The following PCDH9 variants were observed in gnomAD, a reference collection of about 807,000 sequenced individuals.
PCDH9 encodes the protein protocadherin-9.
PCDH9 carries 24 observed loss-of-function variants against 70.6 expected under a neutral mutation model. The observed-to-expected ratio is 0.34, with a 90% confidence interval of 0.25 to 0.48. The LOEUF is 0.48. PCDH9 is among the 20% of genes least tolerant of loss of function. PCDH9 has a pLI of 0.99. For missense variants in PCDH9, 1,281 were observed against 1,503.6 expected (o/e 0.85, Z 2.45); for synonymous variants, 562 against 558.5 (o/e 1.01, Z -0.09).
intron 4 of PCDH9, among the ~76,000 whole-genome samples, chr13:66,501,076 C>G (rs1365407509): frequency 6.6e-6 from 1 of 151,970 alleles, no homozygotes; most frequent in African/African-American, 2.4e-5. Context: ...AAATAATCAC[C>G]AAGAACTTCT....
intron 2 of PCDH9, among the ~76,000 whole-genome samples, chr13:66,918,094 G>T (rs549336980): frequency 1.3e-5 from 2 of 151,382 alleles, no homozygotes; most frequent in African/African-American, 4.8e-5. Context: ...GTTGGTGATT[G>T]AGATGGAAAT....
intron 3 of PCDH9, among the ~76,000 whole-genome samples, chr13:66,783,843 C>G (rs943150500): frequency 1.3e-5 from 2 of 152,030 alleles, no homozygotes; most frequent in Non-Finnish European, 2.9e-5. Flanking sequence ...TATTAAAATA[C>G]CTTTAGTATT....
intron 4 of PCDH9, among the ~76,000 whole-genome samples, chr13:66,410,472 T>C (rs1957351335): frequency 6.6e-6 from 1 of 152,224 alleles, no homozygotes; most frequent in Non-Finnish European, 1.5e-5. Context: ...CACTTTCTGA[T>C]TAATTTGAAT....
intron 3 of PCDH9, among the ~76,000 whole-genome samples, chr13:66,782,098 C>T (rs2080008222): frequency 1.3e-5 from 2 of 152,048 alleles, no homozygotes; most frequent in Non-Finnish European, 2.9e-5. Context: ...CCTATTACAC[C>T]TTTCCTGGTG....
chr13:66,964,187 A>G (rs1019164025), intron 2 of PCDH9, among the ~76,000 whole-genome samples: 4 of 152,038 alleles, frequency 2.6e-5, no homozygotes, highest in African/African-American at 9.7e-5. Context: ...GTAACAAAAT[A>G]TTATTCTCTA....
intron 4 of PCDH9, among the ~76,000 whole-genome samples, chr13:66,446,434 T>A (rs1289554864): frequency 6.6e-6 from 1 of 152,060 alleles, no homozygotes; most frequent in Non-Finnish European, 1.5e-5. Context: ...ATTACTGGAA[T>A]TTCTGAAAGA....
At chr13:66,486,637 G>GAAAA (rs35868123) in intron 4 of PCDH9, among the ~76,000 whole-genome samples, 1 of 116,096 alleles carries the variant, frequency 8.6e-6, no homozygotes, top group African/African-American at 3.4e-5. Flanking sequence ...TGCTATCTCA[G>GAAAA]AAAAAAAAAA....
chr13:67,126,842 C>A (rs566095456), intron 2 of PCDH9, among the ~76,000 whole-genome samples: 1 of 152,022 alleles, frequency 6.6e-6, no homozygotes, highest in Admixed American at 6.6e-5. Context: ...CAGTGAGACT[C>A]CATCTCAAAA....
chr13:66,435,711 T>C (rs1957856851), intron 4 of PCDH9, among the ~76,000 whole-genome samples: 1 of 152,222 alleles, frequency 6.6e-6, no homozygotes, highest in Non-Finnish European at 1.5e-5. Flanking sequence ...TAATGAAATG[T>C]TGGCTTTAAT....
At chr13:66,882,399 T>C (rs1296486027) in intron 3 of PCDH9, among the ~76,000 whole-genome samples, 1 of 152,146 alleles carries the variant, frequency 6.6e-6, no homozygotes, top group Admixed American at 6.6e-5. Context: ...GCTCCTGCTT[T>C]CTCCTTCCAG....
chr13:66,575,698 T>C (rs1440586613), intron 4 of PCDH9, among the ~76,000 whole-genome samples: 1 of 152,186 alleles, frequency 6.6e-6, no homozygotes, highest in African/African-American at 2.4e-5. Context: ...TAAGATATTA[T>C]TCCCTCAAAG....
At chr13:66,789,747 T>C (rs369847702) in intron 3 of PCDH9, among the ~76,000 whole-genome samples, 16 of 152,290 alleles carry the variant, frequency 1.1e-4, no homozygotes, top group African/African-American at 3.6e-4. Context: ...CACTTGTTTC[T>C]TTTGTACAAT....
At chr13:66,520,667 G>A (rs1959948608) in intron 4 of PCDH9, among the ~76,000 whole-genome samples, 2 of 152,142 alleles carry the variant, frequency 1.3e-5, no homozygotes, top group South Asian at 4.1e-4. Context: ...TCTTAACTCT[G>A]GACTTTATTT....
chr13:66,716,100 T>A (rs943251675), intron 3 of PCDH9, among the ~76,000 whole-genome samples: 22 of 152,244 alleles, frequency 1.4e-4, no homozygotes, highest in African/African-American at 5.1e-4. Context: ...ACAGAGTAGC[T>A]GTAAAGCATT....
intron 4 of PCDH9, among the ~76,000 whole-genome samples, chr13:66,310,904 A>G (rs928988728): frequency 1.3e-5 from 2 of 152,100 alleles, no homozygotes; most frequent in Admixed American, 6.6e-5. Flanking sequence ...AAGAACATAC[A>G]TCACTATTTT....
At position 66,713,655 on chromosome 13, in the gene PCDH9, T is replaced by TATATATATATATATATATATA. The variant is rs1474635736; in HGVS notation, c.3139-82245_3139-82244insTATATATATATATATATATAT. ...TATATATATATATATATATATATAATGTACACACACATCCAGTTGACTCTT... is the reference window on the plus strand; with the variant it reads ...TATATATATATATATATATATATAATATATATATATATATATATATAGTACACACACATCCAGTTGACTCTT... On this transcript the variant is annotated intron_variant, in intron 3 of 4. Coordinates refer to ENST00000377865, the MANE Select transcript of PCDH9 (RefSeq NM_203487.3). Among the ~76,000 whole-genome samples, 36 of 63,616 alleles carry TATATATATATATATATATATA rather than the reference T, an allele frequency of 5.7e-4. 1 individual carries two copies. The highest frequency in any genetic ancestry group is 0.011 in the Middle Eastern group (1 of 94). 41.7% of individuals were successfully genotyped at this position (63,616 alleles called of 152,430 possible).
chr13:66,968,816 G>A lies in PCDH9; in HGVS notation c.3037-65211C>T, dbSNP rs140241842. 1.0e-3 allele frequency among the ~76,000 whole-genome samples: 156 copies of A among 151,986 alleles called. 1 individual carries two copies. Among genetic ancestry groups the A allele is most frequent in the Admixed American group, 1.8e-3 (28 of 15,224 alleles). On this transcript the variant is annotated intron_variant, in intron 2 of 4. Coordinates refer to ENST00000377865, the MANE Select transcript of PCDH9 (RefSeq NM_203487.3). ...TATGTTTTAGGAGCCACAAATATAT[G>A]ATCTTTAACTGTTATAACAACCATT... is the stretch of plus-strand genomic sequence containing the variant.
intron 2 of PCDH9, among the ~76,000 whole-genome samples, chr13:66,998,729 C>T (rs1278535068): frequency 6.6e-6 from 1 of 152,116 alleles, no homozygotes; most frequent in Non-Finnish European, 1.5e-5. Context: ...TATAACCAGC[C>T]CTTACACTCA....
intron 4 of PCDH9, among the ~76,000 whole-genome samples, chr13:66,341,303 A>G (rs1168529496): frequency 6.6e-6 from 1 of 151,908 alleles, no homozygotes; most frequent in Non-Finnish European, 1.5e-5. Flanking sequence ...TTTGTTACCC[A>G]GGCTGCTCTC....
Sources: gnomAD v4.1 joint callset for allele counts (sites outside exome capture counted in the v4.1 genomes callset) on GRCh38, gnomAD v4.1.1 for gene constraint, MANE v1.5 for transcripts, NCBI Gene and HGNC (gene_info 2026-07-23, HGNC 2026-07-21) for gene names.